Variants in GTF2IRD1 observed in about 807,000 individuals in gnomAD.
GTF2IRD1 encodes general transcription factor II-I repeat domain-containing protein 1.
In GTF2IRD1, 26 loss-of-function variants were observed where a neutral mutation model predicts 113.2. That is an observed-to-expected ratio of 0.23 (90% CI 0.17 to 0.32). The LOEUF is 0.32. GTF2IRD1 is among the 10% of genes least tolerant of loss of function. The probability of loss-of-function intolerance (pLI) is 1.00; values close to 1 mark genes in which losing one functional copy is unlikely to be tolerated. For missense variants in GTF2IRD1, 864 were observed against 1,280.8 expected (o/e 0.67, Z 4.97); for synonymous variants, 484 against 529.1 (o/e 0.91, Z 1.17).
intron 1 of GTF2IRD1, among the ~76,000 whole-genome samples, chr7:74,491,720 G>T (rs1795357653): frequency 6.6e-6 from 1 of 152,074 alleles, no homozygotes; most frequent in African/African-American, 2.4e-5. Flanking sequence ...TCTTTACCCA[G>T]TCTATCATTG....
chr7:74,492,038 C>T (rs1397719864), intron 1 of GTF2IRD1, among the ~76,000 whole-genome samples: 1 of 152,168 alleles, frequency 6.6e-6, no homozygotes, highest in African/African-American at 2.4e-5. Flanking sequence ...GAGTCTTACT[C>T]TGTTGTCCAG....
At chr7:74,574,501 C>T (rs982784505) in intron 22 of GTF2IRD1, among the ~76,000 whole-genome samples, 3 of 148,038 alleles carry the variant, frequency 2.0e-5, no homozygotes, top group African/African-American at 7.5e-5. Flanking sequence ...CTCTGTCACT[C>T]AGGCTGGAGT....
chr7:74,527,895 G>A (rs148356269), intron 8 of GTF2IRD1, among the ~76,000 whole-genome samples: 81 of 152,252 alleles, frequency 5.3e-4, no homozygotes, highest in African/African-American at 1.4e-3. Context: ...AGCTGGGGTC[G>A]AAGTGAATGA....
At chr7:74,535,851 A>G (rs1798262118) in intron 10 of GTF2IRD1, among the ~76,000 whole-genome samples, 1 of 152,148 alleles carries the variant, frequency 6.6e-6, no homozygotes, top group African/African-American at 2.4e-5. Flanking sequence ...CCCTTTTCTG[A>G]GGGCTCAGCC....
chr7:74,519,757 G>C, intron 6 of GTF2IRD1, 38 bp downstream of exon 6: 2 of 1,440,146 alleles, frequency 1.4e-6, no homozygotes, highest in South Asian at 2.6e-5. Context: ...CTAGGGGGTG[G>C]GACAGAGGTC....
At chr7:74,491,310 T>G (rs557535091) in intron 1 of GTF2IRD1, among the ~76,000 whole-genome samples, 1 of 135,898 alleles carries the variant, frequency 7.4e-6, no homozygotes, top group African/African-American at 3.0e-5. Flanking sequence ...AAAAAAAAAT[T>G]CTTTTTTTTT....
chr7:74,526,798 G>A (rs1797626976), intron 8 of GTF2IRD1, among the ~76,000 whole-genome samples: 1 of 151,912 alleles, frequency 6.6e-6, no homozygotes, highest in East Asian at 1.9e-4. Context: ...GATGTGGGAG[G>A]TGGGGGGGAA....
At chr7:74,485,233 G>A (rs1358269214) in intron 1 of GTF2IRD1, among the ~76,000 whole-genome samples, 4 of 152,186 alleles carry the variant, frequency 2.6e-5, no homozygotes, top group African/African-American at 9.7e-5. Context: ...GAGAAACCTG[G>A]AATGGATGTT....
intron 1 of GTF2IRD1, among the ~76,000 whole-genome samples, chr7:74,476,662 T>C (rs1794432694): frequency 6.6e-6 from 1 of 152,074 alleles, no homozygotes. Flanking sequence ...CTCCTGCCTC[T>C]AGCCTTTGCC....
intron 1 of GTF2IRD1, among the ~76,000 whole-genome samples, chr7:74,494,126 T>C (rs1343709615): frequency 2.0e-5 from 3 of 152,122 alleles, no homozygotes; most frequent in Non-Finnish European, 4.4e-5. Context: ...ATTGTGAGAG[T>C]TGTCTGAGCT....
At chr7:74,504,460 G>C (rs1325186599) in intron 1 of GTF2IRD1, among the ~76,000 whole-genome samples, 2 of 152,142 alleles carry the variant, frequency 1.3e-5, no homozygotes, top group Non-Finnish European at 2.9e-5. Context: ...GGGCCCAGTT[G>C]GCTGTGTGTC....
At chr7:74,592,939 C>A (rs1185617279) in intron 24 of GTF2IRD1, among the ~76,000 whole-genome samples, 1 of 151,922 alleles carries the variant, frequency 6.6e-6, no homozygotes, top group Non-Finnish European at 1.5e-5. Context: ...CTCACTGTAA[C>A]CTCTGCCTCT....
chr7:74,557,754 C>G (rs372422197), intron 20 of GTF2IRD1, 32 bp downstream of exon 20: 1 of 1,369,908 alleles, frequency 7.3e-7, no homozygotes, highest in African/African-American at 1.4e-5. Context: ...GGGAGGGACA[C>G]GCAGCTGCTG....
chr7:74,474,110 A>C (rs1794267663), intron 1 of GTF2IRD1, among the ~76,000 whole-genome samples: 1 of 151,042 alleles, frequency 6.6e-6, no homozygotes, highest in East Asian at 1.9e-4. Context: ...GGGCATGCTG[A>C]TGGGCACCTG....
At chr7:74,513,053 C>G in intron 3 of GTF2IRD1, 82 bp downstream of exon 3, 1 of 1,381,714 alleles carries the variant, frequency 7.2e-7, no homozygotes, top group Non-Finnish European at 1.0e-6. Context: ...GTCCCCAACC[C>G]TGTCTAGCCA....
At chr7:74,532,821 TG>T (rs1798050261) in intron 9 of GTF2IRD1, among the ~76,000 whole-genome samples, 1 of 152,176 alleles carries the variant, frequency 6.6e-6, no homozygotes, top group African/African-American at 2.4e-5. Flanking sequence ...AATTTCCTGC[TG>T]GGTCCTCCCT....
At chr7:74,501,199 C>T (rs973034418) in intron 1 of GTF2IRD1, among the ~76,000 whole-genome samples, 2 of 152,114 alleles carry the variant, frequency 1.3e-5, no homozygotes, top group Non-Finnish European at 2.9e-5. Flanking sequence ...CTGTTCACTG[C>T]CGGGCAGGGT....
At chr7:74,595,711 GT>G (rs1453760248) in intron 25 of GTF2IRD1, among the ~76,000 whole-genome samples, 1 of 152,166 alleles carries the variant, frequency 6.6e-6, no homozygotes, top group Non-Finnish European at 1.5e-5. Context: ...AAACCTGCAG[GT>G]GCCCTGCAGA....
intron 22 of GTF2IRD1, among the ~76,000 whole-genome samples, chr7:74,564,979 C>A (rs587707443): frequency 6.6e-6 from 1 of 152,086 alleles, no homozygotes; most frequent in South Asian, 2.1e-4. Context: ...GAGCTGTGGG[C>A]CAGGGGTTTC....
Sources: allele counts gnomAD v4.1 joint callset (sites outside exome capture counted in the v4.1 genomes callset), GRCh38; gene constraint gnomAD v4.1.1; transcripts MANE v1.5; gene names NCBI Gene and HGNC (gene_info 2026-07-23, HGNC 2026-07-21).